The following MCRIP2 variants were observed in gnomAD, a reference collection of about 807,000 sequenced individuals.
MCRIP2 encodes MAPK regulated co-repressor interacting protein 2.
In MCRIP2, 21 loss-of-function variants were observed where a neutral mutation model predicts 23.2. The ratio of observed to expected loss-of-function variants is 0.90; its 90% confidence interval spans 0.64 to 1.30. MCRIP2 has a LOEUF of 1.30. Among genes scored for constraint, MCRIP2 ranks in the 50% most tolerant of loss-of-function variants. The pLI, the probability that MCRIP2 is intolerant of heterozygous loss-of-function variation, is 0.00. For missense variants in MCRIP2, 234 were observed against 223.2 expected, an observed-to-expected ratio of 1.05 and a Z score of -0.31; for synonymous variants, 121 against 100.2, an observed-to-expected ratio of 1.21 and a Z score of -1.24.
intron 2 of MCRIP2, among the ~76,000 whole-genome samples, chr16:643,860 C>G (rs1567208674): frequency 6.6e-6 from 1 of 152,104 alleles, no homozygotes; most frequent in Non-Finnish European, 1.5e-5. Context: ...ATGTGAGGTC[C>G]TCTGTCAGCC....
intron 2 of MCRIP2, chr16:647,154 A>C: frequency 1.8e-6 from 1 of 558,428 alleles, no homozygotes; most frequent in South Asian, 2.1e-5. Flanking sequence ...GGACACTCTA[A>C]GACTGAGGCC....
rs914667346 is a variant in MCRIP2, at chr16:646,577, C to T, written c.183-840C>T. ...GAGTGCCTGGCGGAGCAGGCGCAGC[C>T]CAGGACTCCCGGCTCCCACCTCCGG... is the stretch of plus-strand genomic sequence containing the variant. On this transcript the variant is annotated intron_variant, in intron 2 of 4. Coordinates refer to ENST00000307650, the MANE Select transcript of MCRIP2 (RefSeq NM_138418.4). This position sits in a 1 kb window ranked among gnomAD's most constrained non-coding sequence, Gnocchi z 6.5. The T allele has an allele frequency of 6.6e-6, 1 of 152,204 alleles. No individual in the cohort carries two copies. The highest frequency in any genetic ancestry group is 1.5e-5 in the Non-Finnish European group (1 of 68,054). 9.4% of individuals were successfully genotyped at this position (152,204 alleles called of 1,614,324 possible).
chr16:642,231 G>C lies in MCRIP2; in HGVS notation c.164G>C (p.Gly55Ala). Residue 55 changes from glycine (G) to alanine (A), a missense_variant, in exon 2 of 5, where the codon GGA (glycine) becomes GCA (alanine). By Grantham distance (60) the Gly-to-Ala change is moderately conservative. Coordinates refer to ENST00000307650, the MANE Select transcript of MCRIP2 (RefSeq NM_138418.4). Reference protein sequence around the residue: ...PRAQPFAQPPGPWPLSSPGPR... With the variant: ...PRAQPFAQPPAPWPLSSPGPR... ...GCGCAGCCCTTTGCGCAGCCGCCGG[G>C]ACCCTGGCCCCTGTCGAGGTGAGAC... 1 of 1,223,948 alleles carries C rather than the reference G, an allele frequency of 8.2e-7. No homozygotes were observed. Among genetic ancestry groups the C allele is most frequent in the East Asian group, 3.6e-5 (1 of 27,582 alleles). The allele number at this position is 1,223,948 out of a possible 1,614,324, so 75.8% of individuals were successfully genotyped here. A position where few individuals can be genotyped will look rare whatever the true frequency, so the allele number is the denominator to read the frequency against.
At chr16:645,681 A>T (rs988553761) in intron 2 of MCRIP2, 1 of 152,268 alleles carries the variant, frequency 6.6e-6, no homozygotes, top group African/African-American at 2.4e-5. Flanking sequence ...CCCAGGGCAG[A>T]TGGAGGGTGT....
chr16:642,195 A>G lies in MCRIP2; in HGVS notation c.128A>G (p.Gln43Arg), dbSNP rs1263733643. 1 of 1,324,054 alleles carries G rather than the reference A, an allele frequency of 7.6e-7. No homozygotes were observed. The highest frequency in any genetic ancestry group is 1.9e-5 in the South Asian group (1 of 53,908). 82.0% of individuals were successfully genotyped at this position (1,324,054 alleles called of 1,614,324 possible). The stretch of plus-strand genomic sequence containing the variant: ...CGGCAGCCCGCGCCGCCGACCTCGC[A>G]GCCCCCGCGGGCGCAGCCCTTTGCG... ...KCRQPAPPTS[Q>R]PPRAQPFAQP... Residue 43 changes from glutamine to arginine, a missense_variant, in exon 2 of 5, where the codon CAG (glutamine) becomes CGG (arginine). Transcript: ENST00000307650.
Position 642,252 on chromosome 16 carries a change from G to T in MCRIP2, c.182+3G>T. The T allele has an allele frequency of 1.7e-6, 2 of 1,185,432 alleles. No homozygotes were observed. The highest frequency in any genetic ancestry group is 7.8e-5 in the South Asian group (2 of 25,620). 73.4% of individuals were successfully genotyped at this position (1,185,432 alleles called of 1,614,324 possible). A position where few individuals can be genotyped will look rare whatever the true frequency, so the allele number is the denominator to read the frequency against. On this transcript the variant is annotated splice_donor_region_variant and intron_variant, in intron 2 of 4. Coordinates refer to ENST00000307650, the MANE Select transcript of MCRIP2 (RefSeq NM_138418.4). ...CCGGGACCCTGGCCCCTGTCGAGGTGAGACGCGCGCGGCCCCGGCCCGGCC... is the reference window on the plus strand; with the variant it reads ...CCGGGACCCTGGCCCCTGTCGAGGTTAGACGCGCGCGGCCCCGGCCCGGCC...
chr16:645,380 G>A (rs1043730360), intron 2 of MCRIP2: 3 of 152,174 alleles, frequency 2.0e-5, no homozygotes, highest in Non-Finnish European at 2.9e-5. Context: ...CCCAGCCTCC[G>A]GAGTAGCTGG....
intron 2 of MCRIP2, among the ~76,000 whole-genome samples, chr16:644,966 AT>A (rs1417104956): frequency 6.6e-6 from 1 of 151,240 alleles, no homozygotes; most frequent in Non-Finnish European, 1.5e-5. Flanking sequence ...TTTAATTTTT[AT>A]TTTTATTCTG....
rs2151098177 is a variant in MCRIP2 at position 641,902 on chromosome 16, C to T, written c.-90C>T. ...GGGGCGTGTAGCGGGCCCGCCCCCT[C>T]CCCGCGGCGCCCGCAGTCCGTTAAG... On this transcript the variant is annotated 5_prime_UTR_variant, in exon 1 of 5. Transcript: ENST00000307650. 4 of 1,178,496 alleles carry T rather than the reference C, an allele frequency of 3.4e-6. No homozygotes were observed. The South Asian group carries it at 1.3e-4, about 37-fold the overall frequency. The allele number at this position is 1,178,496 out of a possible 1,614,324, so 73.0% of individuals were successfully genotyped here.
intron 2 of MCRIP2, among the ~76,000 whole-genome samples, chr16:644,362 T>C (rs1218923053): frequency 2.0e-5 from 3 of 152,112 alleles, no homozygotes; most frequent in Non-Finnish European, 4.4e-5. Flanking sequence ...ATTACAGGCG[T>C]GAACCACCGT....
chr16:648,225 C>T lies in MCRIP2; in HGVS notation c.*35C>T. On this transcript the variant is annotated 3_prime_UTR_variant, in exon 5 of 5. Coordinates refer to ENST00000307650, the MANE Select transcript of MCRIP2 (RefSeq NM_138418.4). ...GGAGGGGGCGCTGCTACACGGCCGA[C>T]CTGTCGCCAGGAGAGAAGCATGGCG... 1 of 1,583,230 alleles carries T rather than the reference C, an allele frequency of 6.3e-7. No individual in the cohort carries two copies. The highest frequency in any genetic ancestry group is 8.6e-7 in the Non-Finnish European group (1 of 1,163,436).
chr16:647,643 G>A lies in MCRIP2; in HGVS notation c.310+99G>A, dbSNP rs1334784108. 14 of 1,554,970 alleles carry A rather than the reference G, an allele frequency of 9.0e-6. No individual in the cohort carries two copies. In the Admixed American group the frequency reaches 2.3e-4, roughly 25 times the overall value. ...CAAGCTGACCCACAGCCGCTGCATG[G>A]CTGTGCTTTTCCTTGGCACTCTGCC... On this transcript the variant is annotated intron_variant, in intron 3 of 4. Transcript: ENST00000307650.
At chr16:642,592 C>T in intron 2 of MCRIP2, 1 of 159,286 alleles carries the variant, frequency 6.3e-6, no homozygotes, top group African/African-American at 2.4e-5. Flanking sequence ...CCACGGTTCG[C>T]GGAGAGCGTC....
chr16:642,268 C>CGGCCG lies in MCRIP2; in HGVS notation c.182+23_182+24insGGGCC. ...TGTCGAGGTGAGACGCGCGCGGCCC[C>CGGCCG]GGCCCGGCCCGGCCCGGCTTCCCCT... On this transcript the variant is annotated intron_variant, in intron 2 of 4. Transcript: ENST00000307650. 8.7e-7 allele frequency: 1 copy of CGGCCG among 1,154,914 alleles called. No individual in the cohort carries two copies. Among genetic ancestry groups the CGGCCG allele is most frequent in the Admixed American group, 4.7e-5 (1 of 21,150 alleles). 71.5% of individuals were successfully genotyped at this position (1,154,914 alleles called of 1,614,324 possible). A position where few individuals can be genotyped will look rare whatever the true frequency, so the allele number is the denominator to read the frequency against.
In MCRIP2 at chr16:642,302, G is replaced by A. The variant is rs911769279; in HGVS notation, c.182+53G>A. ...CCGGCCCGGCTTCCCCTCCCCCGCCGGCCGCCCTAGAGCGGAGGGTGACCT... is the reference window on the plus strand; with the variant it reads ...CCGGCCCGGCTTCCCCTCCCCCGCCAGCCGCCCTAGAGCGGAGGGTGACCT... On this transcript the variant is annotated intron_variant, in intron 2 of 4. Transcript: ENST00000307650. The A allele has an allele frequency of 3.4e-5, 39 of 1,141,502 alleles. No individual in the cohort carries two copies. The East Asian group carries it at 8.1e-4, about 24-fold the overall frequency. The allele number at this position is 1,141,502 out of a possible 1,614,324, so 70.7% of individuals were successfully genotyped here.
At chr16:647,046 AG>A (rs2037500647) in intron 2 of MCRIP2, 1 of 265,468 alleles carries the variant, frequency 3.8e-6, no homozygotes, top group Non-Finnish European at 7.3e-6. Flanking sequence ...GTCGTGGCTC[AG>A]GTCAGAATCT....
chr16:647,273 G>A, intron 2 of MCRIP2, 144 bp from the exon 3 acceptor site: 1 of 1,173,178 alleles, frequency 8.5e-7, no homozygotes, highest in South Asian at 1.5e-5. Flanking sequence ...GCTGCTGTGG[G>A]TGGCTGCTCT....
chr16:644,086 G>A (rs142480936), intron 2 of MCRIP2, among the ~76,000 whole-genome samples: 1 of 151,994 alleles, frequency 6.6e-6, no homozygotes. Context: ...CCTTCCCTCT[G>A]TTTCTTTTTT....
In MCRIP2 at chr16:647,904, C is replaced by G; in HGVS notation, c.412+20C>G. 3 of 1,117,862 alleles carry G rather than the reference C, an allele frequency of 2.7e-6. No individual in the cohort carries two copies. The highest frequency in any genetic ancestry group is 2.6e-5 in the South Asian group (2 of 76,480). 69.2% of individuals were successfully genotyped at this position (1,117,862 alleles called of 1,614,324 possible). ...TGCAGAGTGAGCCCCCCAACCCTGT[C>G]CCCCCAGGAGAGACCCCCCAGCCCC... On this transcript the variant is annotated intron_variant, in intron 4 of 4. Coordinates refer to ENST00000307650, the MANE Select transcript of MCRIP2 (RefSeq NM_138418.4).
Sources: gnomAD v4.1 joint callset for allele counts (sites outside exome capture counted in the v4.1 genomes callset) on GRCh38, gnomAD v4.1.1 for gene constraint, Gnocchi (gnomAD v3.1) non-coding constraint, MANE v1.5 for transcripts, NCBI Gene and HGNC (gene_info 2026-07-23, HGNC 2026-07-21) for gene names.